Variants in HDAC9 observed in about 807,000 individuals in gnomAD.
The protein encoded by HDAC9 is MEF-2 interacting transcription repressor (MITR) protein.
A neutral mutation model predicts 139.4 loss-of-function variants in HDAC9; 41 were observed. That is an observed-to-expected ratio of 0.29 (90% CI 0.23 to 0.38). The LOEUF (loss-of-function observed/expected upper bound fraction) is 0.38, where lower values mean the gene tolerates loss of function less well. Among genes scored for constraint, HDAC9 ranks in the 10% least tolerant of loss-of-function variants. The probability of loss-of-function intolerance (pLI) is 1.00; values close to 1 mark genes in which losing one functional copy is unlikely to be tolerated. For synonymous variants in HDAC9, 517 were observed against 476.2 expected, an observed-to-expected ratio of 1.09 and a Z score of -1.12; for missense variants, 1,147 against 1,297.0, an observed-to-expected ratio of 0.88 and a Z score of 1.78.
intron 10 of HDAC9, 56 bp from the exon 11 acceptor site, chr7:18,648,410 A>ATATG (rs1554302115): frequency 1.9e-6 from 2 of 1,056,950 alleles, no homozygotes; most frequent in East Asian, 2.5e-5. Flanking sequence ...GTGTGTGTGT[A>ATATG]TGTGTGTGTG....
At chr7:18,392,411 A>G (rs866668901) in intron 1 of HDAC9, among the ~76,000 whole-genome samples, 1 of 150,316 alleles carries the variant, frequency 6.7e-6, no homozygotes, top group Non-Finnish European at 1.5e-5. Flanking sequence ...ATAGATAGAT[A>G]GATAGATAGA....
intron 24 of HDAC9, among the ~76,000 whole-genome samples, chr7:18,955,929 C>T (rs2717342): frequency 0.019 from 2,864 of 152,180 alleles, 90 homozygotes; most frequent in African/African-American, 0.062. Context: ...TATAAAAAGG[C>T]GTAATTTCTG....
At chr7:18,917,148 T>C (rs1324115124) in intron 22 of HDAC9, among the ~76,000 whole-genome samples, 3 of 151,944 alleles carry the variant, frequency 2.0e-5, no homozygotes, top group Non-Finnish European at 4.4e-5. Context: ...CTCGCAAATA[T>C]GAAATCATCT....
intron 1 of HDAC9, among the ~76,000 whole-genome samples, chr7:18,380,219 G>A (rs920563972): frequency 7.2e-5 from 11 of 152,108 alleles, no homozygotes; most frequent in South Asian, 2.1e-4. Flanking sequence ...ATGGGTTAAC[G>A]TATATCTTAA....
At chr7:18,874,109 C>T (rs1240366463) in intron 21 of HDAC9, among the ~76,000 whole-genome samples, 1 of 151,766 alleles carries the variant, frequency 6.6e-6, no homozygotes, top group Non-Finnish European at 1.5e-5. Flanking sequence ...TTCACTAAAG[C>T]TTTGACTTTC....
intron 2 of HDAC9, among the ~76,000 whole-genome samples, chr7:18,527,871 A>G (rs147288579): frequency 6.6e-6 from 1 of 152,264 alleles, no homozygotes; most frequent in African/African-American, 2.4e-5. Context: ...TACAGTTTAC[A>G]GTTCTGTAAA....
At chr7:18,431,537 A>G (rs953187317) in intron 1 of HDAC9, among the ~76,000 whole-genome samples, 6 of 152,198 alleles carry the variant, frequency 3.9e-5, no homozygotes, top group African/African-American at 1.4e-4. Flanking sequence ...TTTCCCCAAC[A>G]ACCCTGAGGA....
At chr7:18,265,462 A>C (rs1490021123) in intron 2 of HDAC9, among the ~76,000 whole-genome samples, 1 of 152,194 alleles carries the variant, frequency 6.6e-6, no homozygotes, top group African/African-American at 2.4e-5. Flanking sequence ...CTGACGAAGC[A>C]TGTGGCTAGA....
chr7:18,262,251 C>T (rs1475323477), intron 2 of HDAC9, among the ~76,000 whole-genome samples: 1 of 152,194 alleles, frequency 6.6e-6, no homozygotes, highest in Non-Finnish European at 1.5e-5. Context: ...GCAAAAGTGA[C>T]TTATCTCACT....
chr7:18,173,550 A>G (rs1456399366), intron 2 of HDAC9, among the ~76,000 whole-genome samples: 1 of 152,128 alleles, frequency 6.6e-6, no homozygotes, highest in African/African-American at 2.4e-5. Context: ...CCTAGCATTG[A>G]CGGTCTTTAC....
At chr7:18,739,841 C>A (rs1200130554) in intron 13 of HDAC9, among the ~76,000 whole-genome samples, 1 of 152,238 alleles carries the variant, frequency 6.6e-6, no homozygotes, top group Non-Finnish European at 1.5e-5. Context: ...AAGTTGTCTG[C>A]TTCCTTTTGT....
At chr7:18,575,010 A>G (rs1038798362) in intron 2 of HDAC9, among the ~76,000 whole-genome samples, 2 of 152,196 alleles carry the variant, frequency 1.3e-5, no homozygotes, top group African/African-American at 2.4e-5. Flanking sequence ...TGCGGGCTCC[A>G]TGGAGTGGGC....
At chr7:18,950,309 G>A (rs529895763) in intron 23 of HDAC9, among the ~76,000 whole-genome samples, 253 of 152,128 alleles carry the variant, frequency 1.7e-3, no homozygotes, top group African/African-American at 5.5e-3. Context: ...CTGCATGTCA[G>A]GAAACCTTGC....
intron 22 of HDAC9, among the ~76,000 whole-genome samples, chr7:18,929,040 G>A (rs1049279649): frequency 2.6e-5 from 4 of 151,784 alleles, no homozygotes; most frequent in African/African-American, 9.7e-5. Flanking sequence ...ACTATTCTCT[G>A]GGAACTATTT....
intron 6 of HDAC9, among the ~76,000 whole-genome samples, chr7:18,620,619 G>C (rs1208476638): frequency 6.6e-6 from 1 of 151,810 alleles, no homozygotes; most frequent in Non-Finnish European, 1.5e-5. Context: ...AGCCAGCCGA[G>C]TGCCAGGCAC....
chr7:18,870,762 C>T (rs558500302), intron 21 of HDAC9, among the ~76,000 whole-genome samples: 1 of 152,160 alleles, frequency 6.6e-6, no homozygotes, highest in Non-Finnish European at 1.5e-5. Context: ...CAGCCTCAAA[C>T]TCCTAGGCTC....
chr7:18,188,099 T>C (rs1461807638), intron 2 of HDAC9, among the ~76,000 whole-genome samples: 1 of 152,182 alleles, frequency 6.6e-6, no homozygotes, highest in African/African-American at 2.4e-5. Flanking sequence ...TTTCAAACTA[T>C]ACTACAAGTC....
At chr7:18,540,447 G>T (rs1304073682) in intron 2 of HDAC9, among the ~76,000 whole-genome samples, 2 of 152,064 alleles carry the variant, frequency 1.3e-5, no homozygotes, top group African/African-American at 4.8e-5. Flanking sequence ...CAAGTACTGT[G>T]CTAAGCCTTG....
chr7:18,989,090 A>G (rs2129347899), intron 25 of HDAC9, among the ~76,000 whole-genome samples: 1 of 138,454 alleles, frequency 7.2e-6, no homozygotes, highest in Admixed American at 7.3e-5. Context: ...TTATGTGTGA[A>G]TTTGATCCTG....
Sources: gnomAD v4.1 joint callset for allele counts (sites outside exome capture counted in the v4.1 genomes callset) on GRCh38, gnomAD v4.1.1 for gene constraint, MANE v1.5 for transcripts, NCBI Gene and HGNC (gene_info 2026-07-23, HGNC 2026-07-21) for gene names.